TBC1D5: variants seen among roughly 807,000 people sequenced by gnomAD.
TBC1D5 encodes TBC1 domain family, member 5.
A neutral mutation model predicts 100.3 loss-of-function variants in TBC1D5; 75 were observed. The observed-to-expected ratio is 0.75, with a 90% CI of 0.62 to 0.91. TBC1D5 has a LOEUF of 0.91. Among genes scored for constraint, TBC1D5 ranks in the 40% least tolerant of loss-of-function variants. The pLI is 0.00. For missense variants in TBC1D5, 910 were observed against 942.4 expected (o/e 0.97, Z 0.45); for synonymous variants, 323 against 325.6 (o/e 0.99, Z 0.09).
chr3:17,609,844 A>G (rs554173092), intron 2 of TBC1D5, among the ~76,000 whole-genome samples: 1 of 152,336 alleles, frequency 6.6e-6, no homozygotes, highest in Admixed American at 6.5e-5. Flanking sequence ...GGACTGAAGA[A>G]GAAACCCACT....
intron 13 of TBC1D5, among the ~76,000 whole-genome samples, chr3:17,332,238 T>G (rs1009292576): frequency 6.6e-6 from 1 of 152,158 alleles, no homozygotes; most frequent in African/African-American, 2.4e-5. Flanking sequence ...TGTGATTTGT[T>G]AATTTACAGG....
chr3:17,654,012 TGA>T (rs1173413967), intron 1 of TBC1D5, among the ~76,000 whole-genome samples: 5 of 152,150 alleles, frequency 3.3e-5, no homozygotes, highest in Admixed American at 1.3e-4. Context: ...CTTTTTGGGG[TGA>T]GAGAGTAGAT....
At chr3:17,254,763 G>GGGT (rs1480575999) in intron 16 of TBC1D5, among the ~76,000 whole-genome samples, 1 of 69,596 alleles carries the variant, frequency 1.4e-5, no homozygotes, top group Non-Finnish European at 2.6e-5. Flanking sequence ...ACCGTGGCGG[G>GGGT]GGTGGGGGGG....
At chr3:17,368,466 T>G (rs1191954108) in intron 13 of TBC1D5, among the ~76,000 whole-genome samples, 1 of 151,998 alleles carries the variant, frequency 6.6e-6, no homozygotes, top group East Asian at 1.9e-4. Context: ...TTAAGTAATT[T>G]GATGTTCCAT....
intron 1 of TBC1D5, among the ~76,000 whole-genome samples, chr3:17,734,864 T>C (rs150204048): frequency 9.9e-5 from 15 of 151,896 alleles, no homozygotes; most frequent in Admixed American, 2.6e-4. Flanking sequence ...TGTGGGAGGA[T>C]AGCTTGAGCC....
chr3:17,613,803 T>G (rs546471118), intron 2 of TBC1D5, among the ~76,000 whole-genome samples: 4 of 152,196 alleles, frequency 2.6e-5, no homozygotes. Flanking sequence ...GTCAGATGGG[T>G]GGAGTGTAAA....
chr3:17,178,292 C>G (rs1008446294), intron 19 of TBC1D5, among the ~76,000 whole-genome samples: 4 of 152,036 alleles, frequency 2.6e-5, no homozygotes, highest in African/African-American at 9.7e-5. Context: ...GTCTCGATCT[C>G]CTGACCTCGT....
At chr3:17,551,060 G>T (rs1479231250) in intron 2 of TBC1D5, among the ~76,000 whole-genome samples, 1 of 152,102 alleles carries the variant, frequency 6.6e-6, no homozygotes, top group East Asian at 1.9e-4. Context: ...CTCTGTGTGT[G>T]TGTGTGTATG....
At chr3:17,335,605 C>T (rs887026609) in intron 13 of TBC1D5, among the ~76,000 whole-genome samples, 8 of 152,120 alleles carry the variant, frequency 5.3e-5, no homozygotes, top group African/African-American at 1.9e-4. Context: ...ACTTAATCTG[C>T]TTTAAAGATT....
chr3:17,186,710 C>CAAAAAAAAAAAA (rs58438478), intron 18 of TBC1D5, among the ~76,000 whole-genome samples: 6 of 27,278 alleles, frequency 2.2e-4, no homozygotes, highest in Non-Finnish European at 2.0e-4. Context: ...ACTCTATCTC[C>CAAAAAAAAAAAA]AAAAAAAAAA....
chr3:17,210,429 C>A (rs1317241736), intron 18 of TBC1D5, among the ~76,000 whole-genome samples: 3 of 152,138 alleles, frequency 2.0e-5, no homozygotes, highest in East Asian at 1.9e-4. Flanking sequence ...CTCAGGTGAT[C>A]CACCTGCCTC....
At chr3:17,617,956 C>T (rs151310637) in intron 2 of TBC1D5, among the ~76,000 whole-genome samples, 72 of 152,274 alleles carry the variant, frequency 4.7e-4, no homozygotes, top group African/African-American at 1.7e-3. Flanking sequence ...CAAGGAGCTG[C>T]GATGTTTTGG....
intron 2 of TBC1D5, among the ~76,000 whole-genome samples, chr3:17,609,494 C>A (rs2061534254): frequency 6.6e-6 from 1 of 152,196 alleles, no homozygotes; most frequent in Admixed American, 6.5e-5. Context: ...CAACCACCGA[C>A]CTGACCTGTC....
intron 2 of TBC1D5, among the ~76,000 whole-genome samples, chr3:17,546,071 A>G (rs2096411727): frequency 6.6e-6 from 1 of 152,206 alleles, no homozygotes; most frequent in Non-Finnish European, 1.5e-5. Flanking sequence ...AAGAGTAACA[A>G]TATCATAAAT....
intron 18 of TBC1D5, among the ~76,000 whole-genome samples, chr3:17,190,279 A>G (rs1024467038): frequency 3.9e-5 from 6 of 152,222 alleles, no homozygotes; most frequent in Non-Finnish European, 1.5e-5. Flanking sequence ...ACAGAAAGCC[A>G]AGAGAGGTAC....
intron 1 of TBC1D5, among the ~76,000 whole-genome samples, chr3:17,673,536 G>T (rs983797244): frequency 1.3e-5 from 2 of 150,812 alleles, no homozygotes; most frequent in African/African-American, 4.9e-5. Flanking sequence ...GCCTGGTCTC[G>T]ATCGCATGGC....
Position 17,233,669 on chromosome 3 carries a change from G to T in TBC1D5, c.1588+4494C>A, listed in dbSNP as rs1004274605. 2.1e-6 allele frequency: 3 copies of T among 1,459,564 alleles called. No homozygotes were observed. The highest frequency in any genetic ancestry group is 2.8e-6 in the Non-Finnish European group (3 of 1,077,938). 90.4% of individuals were successfully genotyped at this position (1,459,564 alleles called of 1,614,324 possible). On this transcript the variant is annotated intron_variant, in intron 17 of 21. Transcript: ENST00000253692. ...GGCAAAGAAAAAGAAACACTATGTT[G>T]TTATGGTAACTGTACCTTGGAGGTC...
chr3:17,400,183 A>G (rs1214667980), intron 8 of TBC1D5, among the ~76,000 whole-genome samples: 2 of 152,120 alleles, frequency 1.3e-5, no homozygotes, highest in Admixed American at 1.3e-4. Context: ...GCAAAGGGCA[A>G]TTATGGAACA....
intron 13 of TBC1D5, among the ~76,000 whole-genome samples, chr3:17,368,748 C>CA (rs1262006230): frequency 1.3e-5 from 2 of 150,832 alleles, no homozygotes; most frequent in Non-Finnish European, 3.0e-5. Flanking sequence ...TTTTACTTTA[C>CA]AAAAAAATTT....
Sources: gnomAD v4.1 joint callset for allele counts (sites outside exome capture counted in the v4.1 genomes callset) on GRCh38, gnomAD v4.1.1 for gene constraint, MANE v1.5 for transcripts, NCBI Gene and HGNC (gene_info 2026-07-23, HGNC 2026-07-21) for gene names.